FOXP1: variants seen among roughly 807,000 people sequenced by gnomAD.
FOXP1 encodes the protein forkhead box P1.
A neutral mutation model predicts 98.2 loss-of-function variants in FOXP1; 15 were observed. That is an observed-to-expected ratio of 0.15 (90% CI 0.10 to 0.24). The LOEUF (loss-of-function observed/expected upper bound fraction) is 0.24, where lower values mean the gene tolerates loss of function less well. Among genes scored for constraint, FOXP1 ranks in the 10% least tolerant of loss-of-function variants. The pLI, the probability that FOXP1 is intolerant of heterozygous loss-of-function variation, is 1.00. For missense variants in FOXP1, 633 were observed against 848.5 expected, an observed-to-expected ratio of 0.75 and a Z score of 3.15; for synonymous variants, 371 against 314.5, an observed-to-expected ratio of 1.18 and a Z score of -1.90.
intron 14 of FOXP1, among the ~76,000 whole-genome samples, chr3:70,985,710 T>C (rs2039620011): frequency 6.6e-6 from 1 of 151,864 alleles, no homozygotes; most frequent in South Asian, 2.1e-4. Context: ...CAAAGGGTAA[T>C]ACAACAGTAC....
intron 6 of FOXP1, among the ~76,000 whole-genome samples, chr3:71,164,979 T>A (rs971185256): frequency 6.6e-6 from 1 of 152,310 alleles, no homozygotes; most frequent in East Asian, 1.9e-4. Flanking sequence ...CCAATTTACA[T>A]AGCCCTTAAA....
At chr3:71,279,279 A>G (rs1025283668) in intron 5 of FOXP1, among the ~76,000 whole-genome samples, 1 of 152,070 alleles carries the variant, frequency 6.6e-6, no homozygotes, top group African/African-American at 2.4e-5. Flanking sequence ...ATACATGTTT[A>G]TCAAATTTAA....
chr3:71,180,461 G>A (rs879395372), intron 6 of FOXP1, among the ~76,000 whole-genome samples: 61 of 151,696 alleles, frequency 4.0e-4, no homozygotes, highest in Non-Finnish European at 8.2e-4. Context: ...AAAAATGCAG[G>A]CACAAGAATT....
chr3:71,148,304 G>A (rs2060412587), intron 6 of FOXP1, among the ~76,000 whole-genome samples: 1 of 152,112 alleles, frequency 6.6e-6, no homozygotes. Flanking sequence ...TTGAACCCGG[G>A]AGGCGGAGGT....
At chr3:71,579,059 C>T (rs1009779149) in intron 2 of FOXP1, among the ~76,000 whole-genome samples, 13 of 152,140 alleles carry the variant, frequency 8.5e-5, no homozygotes, top group Non-Finnish European at 1.8e-4. Context: ...TTATGAAACT[C>T]TGGCTTACAA....
At chr3:71,457,562 T>C (rs530403165) in intron 3 of FOXP1, among the ~76,000 whole-genome samples, 31 of 152,072 alleles carry the variant, frequency 2.0e-4, no homozygotes, top group African/African-American at 7.5e-4. Context: ...GACTCAGGAG[T>C]GTGAAACAAG....
At chr3:71,315,424 CCT>C (rs2075020333) in intron 4 of FOXP1, among the ~76,000 whole-genome samples, 1 of 152,102 alleles carries the variant, frequency 6.6e-6, no homozygotes, top group South Asian at 2.1e-4. Flanking sequence ...AAGGATGTCC[CCT>C]GAGAACAGAT....
intron 2 of FOXP1, among the ~76,000 whole-genome samples, chr3:71,552,994 ATT>A (rs1317299501): frequency 1.3e-5 from 2 of 151,986 alleles, no homozygotes; most frequent in East Asian, 3.8e-4. Flanking sequence ...TATTTTTATT[ATT>A]TTCATAAAAT....
intron 3 of FOXP1, among the ~76,000 whole-genome samples, chr3:71,442,378 C>CA (rs757897276): frequency 0.053 from 5,260 of 98,822 alleles, 180 homozygotes; most frequent in African/African-American, 0.14. Flanking sequence ...CTTAAAAAGC[C>CA]AAAAAAAAAA....
At chr3:71,003,870 T>TTA (rs1030655081) in intron 12 of FOXP1, among the ~76,000 whole-genome samples, 1 of 152,116 alleles carries the variant, frequency 6.6e-6, no homozygotes, top group Admixed American at 6.6e-5. Context: ...ATCCAATATA[T>TTA]TATATATATC....
At chr3:71,285,766 T>C (rs1442404386) in intron 5 of FOXP1, among the ~76,000 whole-genome samples, 2 of 152,202 alleles carry the variant, frequency 1.3e-5, no homozygotes, top group African/African-American at 2.4e-5. Flanking sequence ...ACTGATGTAG[T>C]GGAAGAGGCT....
intron 3 of FOXP1, among the ~76,000 whole-genome samples, chr3:71,424,367 C>T (rs1341773610): frequency 6.6e-6 from 1 of 152,170 alleles, no homozygotes; most frequent in Admixed American, 6.5e-5. Context: ...GGTAGGGCGC[C>T]TTCCCTATCT....
chr3:71,003,910 G>A (rs956315593), intron 12 of FOXP1, among the ~76,000 whole-genome samples: 1 of 151,870 alleles, frequency 6.6e-6, no homozygotes, highest in Non-Finnish European at 1.5e-5. Context: ...CAGTGACCAT[G>A]TAGGTCACTG....
At chr3:71,188,365 A>T (rs1446150987) in intron 6 of FOXP1, among the ~76,000 whole-genome samples, 1 of 152,096 alleles carries the variant, frequency 6.6e-6, no homozygotes, top group Non-Finnish European at 1.5e-5. Context: ...TGATAAAAAC[A>T]CGAATGTAGG....
intron 2 of FOXP1, chr3:71,571,901 C>T (rs1320279197): frequency 6.6e-6 from 1 of 152,184 alleles, no homozygotes; most frequent in Non-Finnish European, 1.5e-5. Context: ...AGTTTGATAA[C>T]AGAGATGAAA....
intron 3 of FOXP1, among the ~76,000 whole-genome samples, chr3:71,437,659 C>T (rs2085491142): frequency 6.6e-6 from 1 of 152,144 alleles, no homozygotes; most frequent in African/African-American, 2.4e-5. Context: ...CATCCTCTCT[C>T]TCCACCCAGC....
chr3:71,153,492 C>T (rs1238334282), intron 6 of FOXP1, among the ~76,000 whole-genome samples: 2 of 148,506 alleles, frequency 1.3e-5, no homozygotes, highest in Non-Finnish European at 3.0e-5. Context: ...AGGCTGCCCC[C>T]ACTGCCCCCC....
At chr3:70,995,659 C>T (rs1325704429) in intron 13 of FOXP1, among the ~76,000 whole-genome samples, 3 of 152,134 alleles carry the variant, frequency 2.0e-5, no homozygotes, top group Admixed American at 1.3e-4. Context: ...CTGGGGTCCA[C>T]TGGTAAAATG....
chr3:71,508,866 T>G (rs2042008657), intron 2 of FOXP1, among the ~76,000 whole-genome samples: 2 of 152,152 alleles, frequency 1.3e-5, no homozygotes, highest in African/African-American at 4.8e-5. Flanking sequence ...GTCACTTAAC[T>G]TCCTTGCCTC....
Sources: allele counts gnomAD v4.1 joint callset (sites outside exome capture counted in the v4.1 genomes callset), GRCh38; gene constraint gnomAD v4.1.1; transcripts MANE v1.5; gene names NCBI Gene and HGNC (gene_info 2026-07-23, HGNC 2026-07-21).